Variants in GABRG3 observed in about 807,000 individuals in gnomAD.
GABRG3 encodes the protein gamma-aminobutyric acid receptor subunit gamma-3.
Under a neutral mutation model 48.8 loss-of-function variants are expected in GABRG3, and 25 were observed. The observed-to-expected ratio is 0.51, with a 90% CI of 0.37 to 0.72. The LOEUF (loss-of-function observed/expected upper bound fraction) is 0.72, where lower values mean the gene tolerates loss of function less well. GABRG3 is among the 30% of genes least tolerant of loss of function. GABRG3 has a pLI of 0.00. For synonymous variants in GABRG3, 227 were observed against 217.6 expected (o/e 1.04, Z -0.38); for missense variants, 394 against 577.9 (o/e 0.68, Z 3.26).
chr15:27,462,775 A>C (rs969497157), intron 5 of GABRG3, among the ~76,000 whole-genome samples: 1 of 152,236 alleles, frequency 6.6e-6, no homozygotes, highest in South Asian at 2.1e-4. Flanking sequence ...CATTTATCCC[A>C]AAACTGGCAT....
At chr15:27,316,362 TG>T (rs1224991642) in intron 3 of GABRG3, among the ~76,000 whole-genome samples, 9 of 118,728 alleles carry the variant, frequency 7.6e-5, no homozygotes, top group Non-Finnish European at 1.4e-4. Flanking sequence ...CACTCCAGCC[TG>T]GGCGACAGAG....
chr15:27,457,693 C>T lies in GABRG3; in HGVS notation c.575-22957C>T, dbSNP rs1207148304. On this transcript the variant is annotated intron_variant, in intron 5 of 9. Transcript: ENST00000615808. The surrounding 1 kb of genome is among the most constrained non-coding windows in gnomAD (Gnocchi z 4.4). ...ACATCAGCCTAGACGCCTGGTCCAG[C>T]CTTCCTTACTCTGACCTGATGGTTG... Among the ~76,000 whole-genome samples the T allele has an allele frequency of 2.0e-5, 3 of 152,182 alleles. No individual in the cohort carries two copies. The highest frequency in any genetic ancestry group is 2.0e-4 in the Admixed American group (3 of 15,282).
At chr15:27,016,028 G>A (rs574027501) in intron 2 of GABRG3, among the ~76,000 whole-genome samples, 43 of 152,132 alleles carry the variant, frequency 2.8e-4, no homozygotes, top group Non-Finnish European at 4.6e-4. Flanking sequence ...ATGCATTAAC[G>A]TAGTTTTATA....
chr15:27,139,755 T>C (rs1032222422), intron 3 of GABRG3, among the ~76,000 whole-genome samples: 3 of 152,192 alleles, frequency 2.0e-5, no homozygotes, highest in African/African-American at 7.2e-5. Flanking sequence ...TGTATGCTAA[T>C]GAGCTGACTG....
intron 4 of GABRG3, among the ~76,000 whole-genome samples, chr15:27,328,224 C>A (rs1893686008): frequency 6.6e-6 from 1 of 152,080 alleles, no homozygotes; most frequent in Non-Finnish European, 1.5e-5. Context: ...GTTGTAAAGC[C>A]ATACACCGGA....
At chr15:27,334,014 T>A (rs1387062303) in intron 5 of GABRG3, among the ~76,000 whole-genome samples, 3 of 152,222 alleles carry the variant, frequency 2.0e-5, no homozygotes, top group Admixed American at 6.5e-5. Flanking sequence ...ATGAAATAAA[T>A]GTTTCTTTTT....
At chr15:27,018,727 C>A (rs1444128873) in intron 2 of GABRG3, among the ~76,000 whole-genome samples, 1 of 152,128 alleles carries the variant, frequency 6.6e-6, no homozygotes, top group African/African-American at 2.4e-5. Context: ...AGTGACTTTA[C>A]CGTCTCAGGG....
intron 3 of GABRG3, among the ~76,000 whole-genome samples, chr15:27,201,546 G>A (rs766398393): frequency 6.6e-6 from 1 of 151,916 alleles, no homozygotes; most frequent in Admixed American, 6.6e-5. Flanking sequence ...AGGAGAAGCA[G>A]CAGAAATTTC....
chr15:27,255,028 T>C lies in GABRG3; in HGVS notation c.271-71781T>C, dbSNP rs934394793. The stretch of plus-strand genomic sequence containing the variant: ...CGGCCACTCTGGGCTCTGATCCCTC[T>C]GCTCAGGCCTTTGCAGTTTGTCCAG... On this transcript the variant is annotated intron_variant, in intron 3 of 9. Transcript: ENST00000615808. Among the ~76,000 whole-genome samples the C allele has an allele frequency of 2.0e-5, 3 of 152,324 alleles. No individual in the cohort carries two copies. The East Asian group carries it at 5.8e-4, about 29-fold the overall frequency.
chr15:27,137,162 C>T (rs917182703), intron 3 of GABRG3, among the ~76,000 whole-genome samples: 1 of 152,218 alleles, frequency 6.6e-6, no homozygotes, highest in Non-Finnish European at 1.5e-5. Flanking sequence ...ATCAATACCC[C>T]AGGAAGCCTT....
At chr15:27,492,153 C>T (rs976440992) in intron 6 of GABRG3, among the ~76,000 whole-genome samples, 1 of 152,144 alleles carries the variant, frequency 6.6e-6, no homozygotes, top group Non-Finnish European at 1.5e-5. Context: ...CAACTTAGAA[C>T]AAAGTCTCTT....
intron 5 of GABRG3, among the ~76,000 whole-genome samples, chr15:27,417,679 GTCTCTACC>G: frequency 6.6e-6 from 1 of 152,136 alleles, no homozygotes; most frequent in Non-Finnish European, 1.5e-5. Flanking sequence ...CTCTGATGGG[GTCTCTACC>G]TCTGTCATTT....
rs138464663 is a variant in GABRG3 at position 27,167,962 on chromosome 15, G to A, written c.270+141141G>A. On this transcript the variant is annotated intron_variant, in intron 3 of 9. Coordinates refer to ENST00000615808, the MANE Select transcript of GABRG3 (RefSeq NM_033223.5). Reference sequence around the variant, plus strand: ...AGAAGAGGCTCCCTCGCAGTCAGATGCCCGCTAGGCGAGCAGAAGTGATGG... The same window carrying A: ...AGAAGAGGCTCCCTCGCAGTCAGATACCCGCTAGGCGAGCAGAAGTGATGG... Among the ~76,000 whole-genome samples the A allele has an allele frequency of 1.1e-4, 16 of 152,292 alleles. No homozygotes were observed. The East Asian group carries it at 2.3e-3, about 22-fold the overall frequency.
intron 5 of GABRG3, chr15:27,364,967 G>A (rs1236021499): frequency 7.3e-6 from 1 of 137,074 alleles, no homozygotes; most frequent in Non-Finnish European, 1.6e-5. Context: ...AAGAATTTTT[G>A]TAGACACATA....
chr15:27,533,575 CAGA>C lies in GABRG3; in HGVS notation c.*697_*699del, dbSNP rs1891481611. The C allele has an allele frequency of 6.6e-6, 1 of 152,202 alleles. No homozygotes were observed. Among genetic ancestry groups the C allele is most frequent in the African/African-American group, 2.4e-5 (1 of 41,436 alleles). 9.4% of individuals were successfully genotyped at this position (152,202 alleles called of 1,614,324 possible). A position where few individuals can be genotyped will look rare whatever the true frequency, so the allele number is the denominator to read the frequency against. On this transcript the variant is annotated 3_prime_UTR_variant, in exon 10 of 10. Transcript: ENST00000615808. ...GTCAAAGATGATTATCTCTGAACATCAGAAGGTTATTACTTTATTCCAACTTAC... is the reference window on the plus strand; with the variant it reads ...GTCAAAGATGATTATCTCTGAACATCAGGTTATTACTTTATTCCAACTTAC...
intron 6 of GABRG3, among the ~76,000 whole-genome samples, chr15:27,485,922 T>C (rs1449212771): frequency 6.6e-6 from 1 of 152,232 alleles, no homozygotes; most frequent in African/African-American, 2.4e-5. Flanking sequence ...CTCTCCTTTG[T>C]GTAAAACCTT....
chr15:26,972,774 G>A (rs770975433), intron 1 of GABRG3, among the ~76,000 whole-genome samples: 6 of 152,142 alleles, frequency 3.9e-5, no homozygotes, highest in Non-Finnish European at 5.9e-5. Flanking sequence ...TCTCACTCCT[G>A]AATTGGGCAG....
At chr15:26,992,576 C>T (rs1184329335) in intron 2 of GABRG3, among the ~76,000 whole-genome samples, 2 of 152,170 alleles carry the variant, frequency 1.3e-5, no homozygotes, top group African/African-American at 4.8e-5. Flanking sequence ...CCCACTTGGA[C>T]ATGATGAGTG....
intron 5 of GABRG3, among the ~76,000 whole-genome samples, chr15:27,426,255 G>C (rs4258563): frequency 5.1e-4 from 77 of 152,266 alleles, no homozygotes; most frequent in African/African-American, 1.7e-3. Flanking sequence ...CTTTGACTCT[G>C]CCCACCTGAT....
Sources: allele counts gnomAD v4.1 joint callset (sites outside exome capture counted in the v4.1 genomes callset), GRCh38; gene constraint gnomAD v4.1.1; non-coding constraint Gnocchi (gnomAD v3.1); transcripts MANE v1.5; gene names NCBI Gene and HGNC (gene_info 2026-07-23, HGNC 2026-07-21).